Variants in GNB4 observed in about 807,000 individuals in gnomAD.
GNB4 encodes the protein guanine nucleotide-binding protein subunit beta-4.
A neutral mutation model predicts 45.2 loss-of-function variants in GNB4; 28 were observed. That is an observed-to-expected ratio of 0.62 (90% CI 0.46 to 0.85). GNB4 has a LOEUF of 0.85. Ranked by LOEUF, GNB4 falls within the 40% of genes least tolerant of loss-of-function variation. GNB4 has a pLI of 0.00. For synonymous variants in GNB4, 132 were observed against 143.7 expected (o/e 0.92, Z 0.58); for missense variants, 321 against 425.4 (o/e 0.75, Z 2.16).
chr3:179,402,646 G>C (rs1320969273), intron 9 of GNB4, among the ~76,000 whole-genome samples: 2 of 152,170 alleles, frequency 1.3e-5, no homozygotes, highest in Non-Finnish European at 2.9e-5. Context: ...TAAGCTGGAT[G>C]GTGGCAACTG....
intron 3 of GNB4, 62 bp from the exon 4 acceptor site, chr3:179,419,567 C>CTTTCT (rs1409325235): frequency 9.9e-7 from 1 of 1,010,892 alleles, no homozygotes; most frequent in African/African-American, 1.6e-5. Context: ...ATAACTTGAA[C>CTTTCT]TAGAAACAGT....
chr3:179,416,447 C>A, intron 5 of GNB4, 46 bp downstream of exon 5: 2 of 1,158,742 alleles, frequency 1.7e-6, no homozygotes, highest in Non-Finnish European at 2.5e-6. Context: ...TGGTGAACAG[C>A]CAAACAAATA....
chr3:179,427,965 T>C (rs917182801), intron 1 of GNB4, among the ~76,000 whole-genome samples: 5 of 152,182 alleles, frequency 3.3e-5, no homozygotes, highest in African/African-American at 1.2e-4. Context: ...TAGGTCAAGA[T>C]TGTAGCCCGA....
At chr3:179,438,130 G>A (rs1418074803) in intron 1 of GNB4, among the ~76,000 whole-genome samples, 2 of 152,118 alleles carry the variant, frequency 1.3e-5, no homozygotes, top group Admixed American at 1.3e-4. Context: ...CCAACTAGGA[G>A]TTAGCCAACT....
chr3:179,448,187 T>C (rs1009784573), intron 1 of GNB4, among the ~76,000 whole-genome samples: 15 of 152,196 alleles, frequency 9.9e-5, no homozygotes, highest in African/African-American at 3.4e-4. Flanking sequence ...AGCTGCATTG[T>C]TATTGTTTGA....
At chr3:179,487,638 A>C in the GNB4 span, among the ~76,000 whole-genome samples, 1 of 152,102 alleles carries the variant, frequency 6.6e-6, no homozygotes, top group African/African-American at 2.4e-5. Context: ...TTAAACATGC[A>C]CTCCTATACT....
chr3:179,413,539 G>T lies in GNB4; in HGVS notation c.572C>A (p.Ser191Tyr). The T allele has an allele frequency of 1.9e-6, 3 of 1,614,136 alleles. No individual in the cohort carries two copies. The highest frequency in any genetic ancestry group is 2.5e-6 in the Non-Finnish European group (3 of 1,180,000). Residue 191 changes from serine (S) to tyrosine (Y), a missense_variant, in exon 8 of 10, where the codon TCT becomes TAT. By Grantham distance (144) the Ser-to-Tyr change is moderately radical (BLOSUM62 -2). Coordinates refer to ENST00000232564, the MANE Select transcript of GNB4 (RefSeq NM_021629.4). Reference sequence around the variant, plus strand: ...AAAAGTCCTCATGTCAGGACTCAAAGAAAGACTCATCACATCTCCAGAATG... The same window carrying T: ...AAAAGTCCTCATGTCAGGACTCAAATAAAGACTCATCACATCTCCAGAATG... ...TGHSGDVMSL[S>Y]LSPDMRTFVS...
the GNB4 span, among the ~76,000 whole-genome samples, chr3:179,510,575 C>T: frequency 6.6e-6 from 1 of 151,532 alleles, no homozygotes; most frequent in African/African-American, 2.4e-5. Flanking sequence ...AAAGATGCCT[C>T]CCCAGAATGG....
the GNB4 span, among the ~76,000 whole-genome samples, chr3:179,460,825 CTTTTATT>C: frequency 6.6e-6 from 1 of 151,944 alleles, no homozygotes; most frequent in Non-Finnish European, 1.5e-5. Context: ...AATTTTTTAT[CTTTTATT>C]TTTTATTTTT....
At chr3:179,441,933 G>A (rs912118798) in intron 1 of GNB4, among the ~76,000 whole-genome samples, 4 of 151,674 alleles carry the variant, frequency 2.6e-5, no homozygotes, top group Non-Finnish European at 4.4e-5. Flanking sequence ...TCAGCCTTCC[G>A]AGTAGCTGAG....
chr3:179,482,995 C>A, the GNB4 span, among the ~76,000 whole-genome samples: 1 of 152,094 alleles, frequency 6.6e-6, no homozygotes, highest in Non-Finnish European at 1.5e-5. Flanking sequence ...ATCCATTGCA[C>A]CAGTTGTCTG....
chr3:179,509,505 G>A, the GNB4 span, among the ~76,000 whole-genome samples: 6 of 151,998 alleles, frequency 3.9e-5, no homozygotes, highest in East Asian at 1.2e-3. Flanking sequence ...AGGGGTTGAC[G>A]TTCTCAAGTC....
intron 1 of GNB4, among the ~76,000 whole-genome samples, chr3:179,430,336 C>T (rs7611533): frequency 0.029 from 4,467 of 152,094 alleles, 190 homozygotes; most frequent in African/African-American, 0.091. Flanking sequence ...CGATCCCCCC[C>T]ACCTGAGCTT....
the GNB4 span, among the ~76,000 whole-genome samples, chr3:179,463,090 A>G: frequency 3.3e-5 from 5 of 152,318 alleles, no homozygotes; most frequent in Non-Finnish European, 5.9e-5. Flanking sequence ...GTGGAAGAAT[A>G]GTATTGTTTG....
the GNB4 span, among the ~76,000 whole-genome samples, chr3:179,481,098 G>A: frequency 2.0e-5 from 3 of 151,968 alleles, no homozygotes; most frequent in African/African-American, 7.2e-5. Context: ...TGATCCGCCC[G>A]CCTCGGCCTC....
At chr3:179,427,357 C>A (rs1373849768) in intron 1 of GNB4, among the ~76,000 whole-genome samples, 1 of 152,076 alleles carries the variant, frequency 6.6e-6, no homozygotes, top group East Asian at 1.9e-4. Context: ...GTAATCCCAT[C>A]ACTTTGGGAG....
the GNB4 span, among the ~76,000 whole-genome samples, chr3:179,522,173 T>C: frequency 6.6e-6 from 1 of 151,832 alleles, no homozygotes; most frequent in Non-Finnish European, 1.5e-5. Flanking sequence ...ACTGATGACA[T>C]TCCACCACAA....
chr3:179,506,044 A>G, the GNB4 span, among the ~76,000 whole-genome samples: 3 of 152,254 alleles, frequency 2.0e-5, no homozygotes, highest in African/African-American at 7.2e-5. Context: ...GAATAGCAGT[A>G]TAGAAATATC....
the GNB4 span, among the ~76,000 whole-genome samples, chr3:179,511,157 C>A: frequency 6.6e-6 from 1 of 152,166 alleles, no homozygotes; most frequent in Non-Finnish European, 1.5e-5. Context: ...TCAAAAGAGC[C>A]GTGGTTGATC....
Sources: gnomAD v4.1 joint callset for allele counts (sites outside exome capture counted in the v4.1 genomes callset) on GRCh38, gnomAD v4.1.1 for gene constraint, MANE v1.5 for transcripts, NCBI Gene and HGNC (gene_info 2026-07-23, HGNC 2026-07-21) for gene names.